EFCAB6: variants seen among roughly 807,000 people sequenced by gnomAD.
EFCAB6 encodes the protein EF-hand calcium-binding domain-containing protein 6.
In EFCAB6, 156 loss-of-function variants were observed where a neutral mutation model predicts 169.8. The ratio of observed to expected loss-of-function variants is 0.92; its 90% CI spans 0.81 to 1.05. The LOEUF is 1.05. EFCAB6 is among the 50% of genes least tolerant of loss of function. EFCAB6 has a pLI of 0.00. For synonymous variants in EFCAB6, 698 were observed against 676.4 expected (o/e 1.03, Z -0.50); for missense variants, 1,800 against 1,829.1 (o/e 0.98, Z 0.29).
At chr22:43,594,141 G>A (rs1345981381) in intron 23 of EFCAB6, among the ~76,000 whole-genome samples, 2 of 152,024 alleles carry the variant, frequency 1.3e-5, no homozygotes, top group East Asian at 1.9e-4. Flanking sequence ...CAGGTGTGGT[G>A]GCGCATGCCT....
chr22:43,789,968 T>C (rs1267574122), intron 2 of EFCAB6, among the ~76,000 whole-genome samples: 1 of 152,172 alleles, frequency 6.6e-6, no homozygotes, highest in African/African-American at 2.4e-5. Flanking sequence ...GATGGCACTA[T>C]ACGAGTATAC....
intron 27 of EFCAB6, among the ~76,000 whole-genome samples, chr22:43,543,278 C>T (rs570303545): frequency 6.6e-6 from 1 of 152,258 alleles, no homozygotes; most frequent in Admixed American, 6.5e-5. Flanking sequence ...CTGAAGGCCA[C>T]GTGCAGGCTG....
intron 9 of EFCAB6, among the ~76,000 whole-genome samples, chr22:43,711,956 C>G (rs1201627108): frequency 1.3e-5 from 2 of 152,162 alleles, no homozygotes; most frequent in African/African-American, 2.4e-5. Flanking sequence ...AAGTTTTTCC[C>G]TACTGTGAGC....
rs925128005 is a variant in EFCAB6, at chr22:43,572,284, G to A, written c.3420+4013C>T. ...GGGAGGCAAGCTGACAGCACATAAA[G>A]CTTTAGGAATGTTCTCTCCTTGGTC... On this transcript the variant is annotated intron_variant, in intron 26 of 31. Transcript: ENST00000262726. This position sits in a 1 kb window ranked among gnomAD's most constrained non-coding sequence, Gnocchi z 4.0. Among the ~76,000 whole-genome samples the A allele has an allele frequency of 3.9e-5, 6 of 152,308 alleles. No individual in the cohort carries two copies. Among genetic ancestry groups the A allele is most frequent in the African/African-American group, 1.4e-4 (6 of 41,566 alleles).
rs138991309 is a variant in EFCAB6 at position 43,586,032 on chromosome 22, A to C, written c.3032+4042T>G. On this transcript the variant is annotated intron_variant, in intron 24 of 31. Coordinates refer to ENST00000262726, the MANE Select transcript of EFCAB6 (RefSeq NM_022785.4). ...AGAAATGTAAAAAGACATTCTTTAG[A>C]GAGAAGGAAAATCATACAGATCTAC... Among the ~76,000 whole-genome samples, 580 of 152,306 alleles carry C rather than the reference A, an allele frequency of 3.8e-3. 3 individuals are homozygous for C. The highest frequency in any genetic ancestry group is 0.014 in the Middle Eastern group (4 of 294).
At chr22:43,613,853 A>G (rs2053497923) in intron 21 of EFCAB6, among the ~76,000 whole-genome samples, 1 of 152,134 alleles carries the variant, frequency 6.6e-6, no homozygotes, top group African/African-American at 2.4e-5. Flanking sequence ...TTAGCCAGGA[A>G]TGGTGGTATG....
rs186558627 is a variant in EFCAB6 at position 43,733,652 on chromosome 22, G to A, written c.645-1841C>T. ...CCTACTATGTGCAAGCGCATCACAG[G>A]CATGTTGTTTACATTTTGTTGAGTC... On this transcript the variant is annotated intron_variant, in intron 7 of 31. Transcript: ENST00000262726. Among the ~76,000 whole-genome samples, 11 of 152,274 alleles carry A rather than the reference G, an allele frequency of 7.2e-5. 1 individual carries two copies. Among genetic ancestry groups the A allele is most frequent in the Admixed American group, 5.9e-4 (9 of 15,290 alleles).
At chr22:43,694,798 C>T (rs1291286086) in intron 10 of EFCAB6, among the ~76,000 whole-genome samples, 1 of 151,802 alleles carries the variant, frequency 6.6e-6, no homozygotes, top group African/African-American at 2.4e-5. Flanking sequence ...TAGAAAATTC[C>T]TTAAACTAAT....
rs77552099 is a variant in EFCAB6 at position 43,565,381 on chromosome 22, T to C, written c.3421-10285A>G. Among the ~76,000 whole-genome samples, 1,091 of 152,350 alleles carry C rather than the reference T, an allele frequency of 7.2e-3. 3 individuals are homozygous for C. Among genetic ancestry groups the C allele is most frequent in the Non-Finnish European group, 9.7e-3 (658 of 68,026 alleles). ...TTTATGGTTGCTTGTTACATAGTGA[T>C]AGCTGACTGCTACAGTTCTGGGTTT... On this transcript the variant is annotated intron_variant, in intron 26 of 31. Transcript: ENST00000262726.
intron 11 of EFCAB6, among the ~76,000 whole-genome samples, chr22:43,684,507 T>C (rs973223215): frequency 6.6e-6 from 1 of 152,048 alleles, no homozygotes; most frequent in African/African-American, 2.4e-5. Context: ...CAATATACCA[T>C]TGGGTGCTTC....
chr22:43,584,048 T>C (rs948714888), intron 24 of EFCAB6, among the ~76,000 whole-genome samples: 6 of 152,152 alleles, frequency 3.9e-5, no homozygotes, highest in Non-Finnish European at 7.3e-5. Flanking sequence ...AATAATAAAA[T>C]GGTATTTAAT....
At chr22:43,707,153 A>G (rs965715562) in intron 10 of EFCAB6, among the ~76,000 whole-genome samples, 1 of 152,218 alleles carries the variant, frequency 6.6e-6, no homozygotes, top group Non-Finnish European at 1.5e-5. Flanking sequence ...TGGGGTTAGA[A>G]GACTTGGGAT....
intron 26 of EFCAB6, among the ~76,000 whole-genome samples, chr22:43,566,866 G>A (rs1336211171): frequency 6.6e-6 from 1 of 152,126 alleles, no homozygotes; most frequent in Admixed American, 6.5e-5. Flanking sequence ...TTACTAGCTC[G>A]GCCCCTCGGC....
At chr22:43,689,333 G>A (rs943347634) in intron 10 of EFCAB6, among the ~76,000 whole-genome samples, 4 of 136,656 alleles carry the variant, frequency 2.9e-5, no homozygotes, top group South Asian at 2.5e-4. Flanking sequence ...AGTGGGCCAC[G>A]TGAGGGAGAG....
intron 6 of EFCAB6, among the ~76,000 whole-genome samples, chr22:43,738,803 TAA>T (rs897441587): frequency 2.0e-5 from 3 of 152,136 alleles, no homozygotes; most frequent in Non-Finnish European, 2.9e-5. Context: ...CAGAAACAAC[TAA>T]AAGACAGCAT....
At chr22:43,529,278 G>A (rs2046917749) in intron 31 of EFCAB6, among the ~76,000 whole-genome samples, 1 of 152,244 alleles carries the variant, frequency 6.6e-6, no homozygotes, top group African/African-American at 2.4e-5. Context: ...TGATCAGAGA[G>A]GTGGGGGCTC....
rs148464311 is a variant in EFCAB6 at position 43,668,763 on chromosome 22, A to G, written c.1814+109T>C. ...GTCTTTCTAGTGTGCCATCTTTCTT[A>G]TTTATAAAATGAAATATTAAAATAC... On this transcript the variant is annotated intron_variant, in intron 16 of 31. Coordinates refer to ENST00000262726, the MANE Select transcript of EFCAB6 (RefSeq NM_022785.4). 3.0e-5 allele frequency: 32 copies of G among 1,071,112 alleles called. No individual in the cohort carries two copies. In the African/African-American group the frequency reaches 5.2e-4, roughly 18 times the overall value. 66.4% of individuals were successfully genotyped at this position (1,071,112 alleles called of 1,614,324 possible). A position where few individuals can be genotyped will look rare whatever the true frequency, so the allele number is the denominator to read the frequency against.
rs1037875635 is a variant in EFCAB6 at position 43,572,181 on chromosome 22, T to A, written c.3420+4116A>T. 1.3e-5 allele frequency among the ~76,000 whole-genome samples: 2 copies of A among 152,180 alleles called. No homozygotes were observed. Among genetic ancestry groups the A allele is most frequent in the Non-Finnish European group, 2.9e-5 (2 of 68,038 alleles). ...CTTCACTCTTGCTGCAATTTTCTCATGAGGATGTTGAGCAGGTGCTTCTGG... is the reference window on the plus strand; with the variant it reads ...CTTCACTCTTGCTGCAATTTTCTCAAGAGGATGTTGAGCAGGTGCTTCTGG... On this transcript the variant is annotated intron_variant, in intron 26 of 31. Coordinates refer to ENST00000262726, the MANE Select transcript of EFCAB6 (RefSeq NM_022785.4). The surrounding 1 kb of genome is among the most constrained non-coding windows in gnomAD (Gnocchi z 4.0).
intron 6 of EFCAB6, among the ~76,000 whole-genome samples, chr22:43,738,164 TCA>T (rs965038990): frequency 2.1e-5 from 3 of 146,024 alleles, no homozygotes; most frequent in African/African-American, 7.7e-5. Context: ...ACACCATCAC[TCA>T]CACACATATA....
Sources: gnomAD v4.1 joint callset for allele counts (sites outside exome capture counted in the v4.1 genomes callset) on GRCh38, gnomAD v4.1.1 for gene constraint, Gnocchi (gnomAD v3.1) non-coding constraint, MANE v1.5 for transcripts, NCBI Gene and HGNC (gene_info 2026-07-23, HGNC 2026-07-21) for gene names.